Variants in NCOA1 observed in about 807,000 individuals in gnomAD.
NCOA1 encodes the protein Hin-2 protein.
A neutral mutation model predicts 150.9 loss-of-function variants in NCOA1; 35 were observed. The ratio of observed to expected loss-of-function variants is 0.23; its 90% CI spans 0.18 to 0.31. The LOEUF (loss-of-function observed/expected upper bound fraction) is 0.31. Among genes scored for constraint, NCOA1 ranks in the 10% least tolerant of loss-of-function variants. The pLI, the probability that NCOA1 is intolerant of heterozygous loss-of-function variation, is 1.00. For synonymous variants in NCOA1, 590 were observed against 630.0 expected (o/e 0.94, Z 0.95); for missense variants, 1,491 against 1,749.3 (o/e 0.85, Z 2.63).
intron 20 of NCOA1, among the ~76,000 whole-genome samples, chr2:24,756,111 G>A (rs1450240041): frequency 6.6e-6 from 1 of 151,028 alleles, no homozygotes; most frequent in African/African-American, 2.4e-5. Flanking sequence ...AAAATTAGCT[G>A]GGCGTGATGG....
At chr2:24,730,572 T>C (rs573547721) in intron 17 of NCOA1, among the ~76,000 whole-genome samples, 1 of 152,222 alleles carries the variant, frequency 6.6e-6, no homozygotes, top group East Asian at 1.9e-4. Flanking sequence ...GTTACTATAT[T>C]AGGAGAATGA....
intron 1 of NCOA1, among the ~76,000 whole-genome samples, chr2:24,558,604 T>C (rs1292762051): frequency 3.3e-5 from 5 of 152,152 alleles, no homozygotes; most frequent in Non-Finnish European, 7.4e-5. Context: ...ATGGGGGAAT[T>C]CTGGGAGATA....
At chr2:24,534,475 T>A (rs188290814) in intron 1 of NCOA1, among the ~76,000 whole-genome samples, 3,333 of 152,116 alleles carry the variant, frequency 0.022, 129 homozygotes, top group African/African-American at 0.075. Flanking sequence ...TCTTAGTTAT[T>A]TCTTGTCTTC....
intron 6 of NCOA1, among the ~76,000 whole-genome samples, chr2:24,672,333 A>G (rs888752722): frequency 6.6e-6 from 1 of 152,166 alleles, no homozygotes; most frequent in African/African-American, 2.4e-5. Flanking sequence ...ATCTGTGAAT[A>G]CCGAATGGTG....
At position 24,512,851 on chromosome 2, in the gene NCOA1, C is replaced by T. The variant is rs138308800; in HGVS notation, c.-396+21249C>T. Among the ~76,000 whole-genome samples, 802 of 152,270 alleles carry T rather than the reference C, an allele frequency of 5.3e-3. 6 individuals are homozygous for T. The highest frequency in any genetic ancestry group is 0.02 in the Middle Eastern group (6 of 294). ...GGACTCATCTCTGACTGCTTGGCTG[C>T]GTAACCTTAGCCAAAACACCGTTTC... is the stretch of plus-strand genomic sequence containing the variant. On this transcript the variant is annotated intron_variant, in intron 1 of 22. Transcript: ENST00000348332.
At chr2:24,669,517 G>A (rs2148512918) in intron 6 of NCOA1, among the ~76,000 whole-genome samples, 1 of 152,150 alleles carries the variant, frequency 6.6e-6, no homozygotes, top group South Asian at 2.1e-4. Flanking sequence ...TAGATATTTT[G>A]CACGTCACAC....
At chr2:24,583,274 A>G (rs1379838385) in intron 2 of NCOA1, among the ~76,000 whole-genome samples, 1 of 152,218 alleles carries the variant, frequency 6.6e-6, no homozygotes, top group African/African-American at 2.4e-5. Flanking sequence ...CAAAAGGAAT[A>G]TGCAAAAGGC....
At chr2:24,729,412 A>G in intron 16 of NCOA1, 89 bp from the exon 17 acceptor site, 1 of 1,264,600 alleles carries the variant, frequency 7.9e-7, no homozygotes, top group Non-Finnish European at 1.1e-6. Flanking sequence ...TTCAGAATGA[A>G]TATATGATGG....
chr2:24,766,018 A>G (rs1172701476), intron 22 of NCOA1, among the ~76,000 whole-genome samples: 2 of 150,578 alleles, frequency 1.3e-5, no homozygotes, highest in Non-Finnish European at 2.9e-5. Context: ...CTCCAGCCTC[A>G]GCCTCCCAAA....
intron 22 of NCOA1, among the ~76,000 whole-genome samples, chr2:24,763,855 A>G (rs1484066721): frequency 6.6e-6 from 1 of 151,766 alleles, no homozygotes; most frequent in African/African-American, 2.4e-5. Context: ...CTCCTGACCT[A>G]AGGTGATCCA....
chr2:24,492,965 C>CA lies in NCOA1; in HGVS notation c.-396+1372dup, dbSNP rs10630950. ...TCTGGAATTGGTTGGAGGCTAGTCT[C>CA]AAAAAAAAAGCAAACAAAACAACAA... is the stretch of plus-strand genomic sequence containing the variant. On this transcript the variant is annotated intron_variant, in intron 1 of 22. Coordinates refer to ENST00000348332, the MANE Select transcript of NCOA1 (RefSeq NM_003743.5). Among the ~76,000 whole-genome samples, 5 of 145,196 alleles carry CA rather than the reference C, an allele frequency of 3.4e-5. No individual in the cohort carries two copies. In the East Asian group the frequency reaches 6.0e-4, roughly 17 times the overall value.
chr2:24,681,907 G>C (rs1672194884), intron 7 of NCOA1, among the ~76,000 whole-genome samples: 1 of 151,944 alleles, frequency 6.6e-6, no homozygotes, highest in African/African-American at 2.4e-5. Context: ...GTAGAGACGG[G>C]GTTTCACCAT....
intron 2 of NCOA1, among the ~76,000 whole-genome samples, chr2:24,570,684 G>C (rs1666707826): frequency 6.6e-6 from 1 of 152,210 alleles, no homozygotes; most frequent in Non-Finnish European, 1.5e-5. Context: ...TGCTGCCCAT[G>C]AAGTATTCTT....
At chr2:24,645,512 A>G (rs1670430239) in intron 4 of NCOA1, among the ~76,000 whole-genome samples, 1 of 134,790 alleles carries the variant, frequency 7.4e-6, no homozygotes, top group Non-Finnish European at 1.6e-5. Context: ...TCCTCTCAGA[A>G]AAAAAAAAAA....
intron 1 of NCOA1, among the ~76,000 whole-genome samples, chr2:24,546,336 C>T (rs1665605404): frequency 6.6e-6 from 1 of 152,154 alleles, no homozygotes; most frequent in African/African-American, 2.4e-5. Flanking sequence ...ATCAAGACCA[C>T]ATCATCTTAG....
chr2:24,618,292 C>T (rs1358838459), intron 3 of NCOA1, among the ~76,000 whole-genome samples: 2 of 152,178 alleles, frequency 1.3e-5, no homozygotes, highest in East Asian at 1.9e-4. Flanking sequence ...GGATAAGACA[C>T]GGCAGCCTCT....
intron 8 of NCOA1, among the ~76,000 whole-genome samples, chr2:24,687,017 C>T (rs1672437138): frequency 6.6e-6 from 1 of 151,960 alleles, no homozygotes; most frequent in Non-Finnish European, 1.5e-5. Flanking sequence ...AATTAAACTT[C>T]AAGGAAGCGC....
chr2:24,689,837 T>C (rs1558289312), intron 8 of NCOA1, among the ~76,000 whole-genome samples: 1 of 152,224 alleles, frequency 6.6e-6, no homozygotes, highest in Admixed American at 6.5e-5. Flanking sequence ...TTTTTCTTTT[T>C]TTCCTCCCTT....
intron 1 of NCOA1, among the ~76,000 whole-genome samples, chr2:24,512,807 G>T (rs1337646112): frequency 6.6e-6 from 1 of 152,158 alleles, no homozygotes; most frequent in Non-Finnish European, 1.5e-5. Context: ...TGTGAAATGT[G>T]CTTTGCACCT....
Sources: gnomAD v4.1 joint callset for allele counts (sites outside exome capture counted in the v4.1 genomes callset) on GRCh38, gnomAD v4.1.1 for gene constraint, MANE v1.5 for transcripts, NCBI Gene and HGNC (gene_info 2026-07-23, HGNC 2026-07-21) for gene names.